Variants in IGF2BP2 observed in about 807,000 individuals in gnomAD.
IGF2BP2 encodes insulin-like growth factor 2 mRNA-binding protein 2.
Under a neutral mutation model 75.8 loss-of-function variants are expected in IGF2BP2, and 17 were observed. The observed-to-expected ratio is 0.22, with a 90% confidence interval of 0.15 to 0.34. The LOEUF is 0.34. IGF2BP2 is among the 10% of genes least tolerant of loss of function. IGF2BP2 has a pLI of 1.00. For missense variants in IGF2BP2, 516 were observed against 772.4 expected (o/e 0.67, Z 3.93); for synonymous variants, 288 against 295.6 (o/e 0.97, Z 0.26).
At chr3:185,824,246 G>C (rs1199211425) in intron 1 of IGF2BP2, among the ~76,000 whole-genome samples, 1 of 151,672 alleles carries the variant, frequency 6.6e-6, no homozygotes, top group African/African-American at 2.4e-5. Context: ...GGGGGCCGTG[G>C]GGCGAGGTGG....
chr3:185,738,133 A>G (rs1729085848), intron 2 of IGF2BP2, among the ~76,000 whole-genome samples: 1 of 152,248 alleles, frequency 6.6e-6, no homozygotes, highest in South Asian at 2.1e-4. Flanking sequence ...AATCTAAAAT[A>G]AATTCATTTC....
chr3:185,791,631 A>T (rs1736652679), intron 2 of IGF2BP2, among the ~76,000 whole-genome samples: 1 of 152,188 alleles, frequency 6.6e-6, no homozygotes, highest in African/African-American at 2.4e-5. Flanking sequence ...CATCACCTGG[A>T]GGCCATCTTT....
At position 185,696,808 on chromosome 3, in the gene IGF2BP2, C is replaced by T. The variant is rs111886010; in HGVS notation, c.289-145G>A. 5.7e-5 allele frequency: 40 copies of T among 702,528 alleles called. No homozygotes were observed. The African/African-American group carries it at 6.4e-4, about 11-fold the overall frequency. The allele number at this position is 702,528 out of a possible 1,614,324, so 43.5% of individuals were successfully genotyped here. On this transcript the variant is annotated intron_variant, in intron 3 of 15. Coordinates refer to ENST00000382199, the MANE Select transcript of IGF2BP2 (RefSeq NM_006548.6). ...TAATTAAATTGATATCTCAGGTCTT[C>T]CATAAAAACAGTTAGAACTGAACAA...
At chr3:185,678,370 G>C (rs894171979) in intron 7 of IGF2BP2, among the ~76,000 whole-genome samples, 1 of 152,118 alleles carries the variant, frequency 6.6e-6, no homozygotes, top group African/African-American at 2.4e-5. Flanking sequence ...CAAAAACAAA[G>C]GAGAAATTAA....
chr3:185,821,792 T>C (rs1741412862), intron 2 of IGF2BP2, among the ~76,000 whole-genome samples: 1 of 152,198 alleles, frequency 6.6e-6, no homozygotes, highest in African/African-American at 2.4e-5. Context: ...TGTTGTGAGA[T>C]AGTAATTTAT....
At position 185,797,701 on chromosome 3, in the gene IGF2BP2, C is replaced by CGA. The variant is rs146412314; in HGVS notation, c.239+25450_239+25451dup. ...GGCGGATCAGCTGGGCCCAGGAGTT[C>CGA]GAGACCAGCCTGGCAACATGGCAAA... On this transcript the variant is annotated intron_variant, in intron 2 of 15. Coordinates refer to ENST00000382199, the MANE Select transcript of IGF2BP2 (RefSeq NM_006548.6). Among the ~76,000 whole-genome samples, 1,035 of 151,890 alleles carry CGA rather than the reference C, an allele frequency of 6.8e-3. 5 individuals are homozygous for CGA. The highest frequency in any genetic ancestry group is 0.024 in the African/African-American group (987 of 41,418).
At chr3:185,787,452 G>A (rs1041316153) in intron 2 of IGF2BP2, among the ~76,000 whole-genome samples, 4 of 152,202 alleles carry the variant, frequency 2.6e-5, no homozygotes, top group African/African-American at 9.6e-5. Flanking sequence ...GCTCTGACAG[G>A]CCGGGCGCGG....
intron 2 of IGF2BP2, among the ~76,000 whole-genome samples, chr3:185,740,948 G>A (rs1050272719): frequency 1.3e-5 from 2 of 152,192 alleles, no homozygotes; most frequent in Non-Finnish European, 2.9e-5. Flanking sequence ...CGCGATCTCG[G>A]CTCACTGCAA....
chr3:185,710,455 A>G (rs1216902516), intron 2 of IGF2BP2, among the ~76,000 whole-genome samples: 1 of 152,160 alleles, frequency 6.6e-6, no homozygotes, highest in African/African-American at 2.4e-5. Flanking sequence ...AAGACTGGCC[A>G]GGAGCGATGG....
At chr3:185,775,844 G>C (rs1295784307) in intron 2 of IGF2BP2, among the ~76,000 whole-genome samples, 1 of 152,178 alleles carries the variant, frequency 6.6e-6, no homozygotes. Flanking sequence ...TTAAGAACTA[G>C]CAATTCCACT....
At chr3:185,715,394 A>G (rs1725435339) in intron 2 of IGF2BP2, among the ~76,000 whole-genome samples, 1 of 152,222 alleles carries the variant, frequency 6.6e-6, no homozygotes, top group Non-Finnish European at 1.5e-5. Context: ...CAAGACTCAG[A>G]CACGAATCAT....
chr3:185,753,270 C>T (rs1015817560), intron 2 of IGF2BP2, among the ~76,000 whole-genome samples: 1 of 152,268 alleles, frequency 6.6e-6, no homozygotes, highest in Admixed American at 6.5e-5. Context: ...ACTTGCGGAA[C>T]GGGGTGCTCT....
intron 2 of IGF2BP2, among the ~76,000 whole-genome samples, chr3:185,699,174 C>A (rs1722971056): frequency 6.6e-6 from 1 of 152,022 alleles, no homozygotes; most frequent in Non-Finnish European, 1.5e-5. Flanking sequence ...AAATGAAAAA[C>A]CCAAGAAATC....
intron 2 of IGF2BP2, among the ~76,000 whole-genome samples, chr3:185,738,676 A>G (rs1410123350): frequency 1.3e-5 from 2 of 152,230 alleles, no homozygotes; most frequent in African/African-American, 4.8e-5. Context: ...TTTAATCTCT[A>G]TCATTTACAG....
intron 2 of IGF2BP2, among the ~76,000 whole-genome samples, chr3:185,757,826 G>A (rs916481764): frequency 5.3e-4 from 80 of 152,158 alleles, no homozygotes; most frequent in African/African-American, 1.8e-3. Context: ...CAGGCACATA[G>A]CAAATGCTCA....
intron 4 of IGF2BP2, 101 bp from the exon 5 acceptor site, chr3:185,692,863 CAT>C (rs1370760110): frequency 4.3e-6 from 4 of 938,964 alleles, no homozygotes; most frequent in Non-Finnish European, 6.9e-6. Context: ...ATAAAACCCT[CAT>C]CACACTGGCT....
intron 2 of IGF2BP2, among the ~76,000 whole-genome samples, chr3:185,805,724 CT>C (rs545890826): frequency 1.5e-3 from 222 of 151,686 alleles, no homozygotes; most frequent in African/African-American, 5.0e-3. Context: ...TTCAGGCTCA[CT>C]TTTAACCTCT....
At chr3:185,789,454 G>A (rs1239538383) in intron 2 of IGF2BP2, among the ~76,000 whole-genome samples, 1 of 152,086 alleles carries the variant, frequency 6.6e-6, no homozygotes, top group East Asian at 1.9e-4. Context: ...CAATAAAGAT[G>A]TCTATAGATG....
At chr3:185,809,583 T>G (rs772040579) in intron 2 of IGF2BP2, among the ~76,000 whole-genome samples, 1 of 152,014 alleles carries the variant, frequency 6.6e-6, no homozygotes, top group East Asian at 1.9e-4. Flanking sequence ...TGAGCCATGA[T>G]AGCATCATTG....
Sources: gnomAD v4.1 joint callset for allele counts (sites outside exome capture counted in the v4.1 genomes callset) on GRCh38, gnomAD v4.1.1 for gene constraint, MANE v1.5 for transcripts, NCBI Gene and HGNC (gene_info 2026-07-23, HGNC 2026-07-21) for gene names.